The following IQCJ variants were observed in gnomAD, a reference collection of about 807,000 sequenced individuals.
IQCJ encodes the protein IQ motif containing J.
Under a neutral mutation model 11.0 loss-of-function variants are expected in IQCJ, and 9 were observed. The ratio of observed to expected loss-of-function variants is 0.82; its 90% CI spans 0.49 to 1.43. IQCJ has a LOEUF of 1.43. IQCJ is among the 40% of genes most tolerant of loss of function. IQCJ has a pLI of 0.00. For missense variants in IQCJ, 146 were observed against 133.2 expected (o/e 1.10, Z -0.47); for synonymous variants, 55 against 51.3 (o/e 1.07, Z -0.31).
At position 159,262,613 on chromosome 3, in the gene IQCJ, C is replaced by T. The variant is rs1728282412; in HGVS notation, c.221C>T (p.Pro74Leu). 1 of 1,613,874 alleles carries T rather than the reference C, an allele frequency of 6.2e-7. No homozygotes were observed. Among genetic ancestry groups the T allele is most frequent in the South Asian group, 1.1e-5 (1 of 91,076 alleles). ...CCCCTGGGGAAGAGGAGCCCGTCCC[C>T]ACCCTCTGTCTCCTCAGAGAAGCTG... ...QEPLGKRSPS[P>L]PSVSSEKLSS... is the part of the protein sequence containing the mutation. The change falls in exon 4 of 4, where the codon CCA becomes CTA. Residue 74 changes from proline to leucine, a missense_variant. By Grantham distance (98) the Pro-to-Leu change is moderately conservative. Transcript: ENST00000397832.
chr3:159,230,375 TA>T (rs1483329771), intron 1 of IQCJ, among the ~76,000 whole-genome samples: 1 of 152,248 alleles, frequency 6.6e-6, no homozygotes, highest in Non-Finnish European at 1.5e-5. Flanking sequence ...TCTTTTTTGA[TA>T]TTTTTAATGA....
rs998478797 is a variant in IQCJ, at chr3:159,204,179, G to C, written c.10-41664G>C. On this transcript the variant is annotated intron_variant, in intron 1 of 3. Transcript: ENST00000397832. Reference sequence around the variant, plus strand: ...AACTTAGTAATATAAAGCAATGACTGTTTAATTTTATCTCACAGTTTTGTG... The same window carrying C: ...AACTTAGTAATATAAAGCAATGACTCTTTAATTTTATCTCACAGTTTTGTG... Among the ~76,000 whole-genome samples the C allele has an allele frequency of 2.6e-5, 4 of 152,216 alleles. No homozygotes were observed. In the East Asian group the frequency reaches 7.7e-4, roughly 29 times the overall value.
At chr3:159,086,655 A>C (rs1297052041) in intron 1 of IQCJ, among the ~76,000 whole-genome samples, 1 of 151,506 alleles carries the variant, frequency 6.6e-6, no homozygotes, top group Non-Finnish European at 1.5e-5. Flanking sequence ...TTGGATTCCT[A>C]GGTATTTTAT....
chr3:159,074,682 A>G (rs1341877930), intron 1 of IQCJ, among the ~76,000 whole-genome samples: 2 of 152,152 alleles, frequency 1.3e-5, no homozygotes, highest in African/African-American at 2.4e-5. Context: ...GACAAAAGTT[A>G]TGTTTACAGA....
rs1287005797 is a variant in IQCJ at position 159,247,041 on chromosome 3, G to T, written c.74+1134G>T. Among the ~76,000 whole-genome samples, 3 of 152,180 alleles carry T rather than the reference G, an allele frequency of 2.0e-5. No individual in the cohort carries two copies. In the East Asian group the frequency reaches 5.8e-4, roughly 29 times the overall value. ...CACAGCCAACACTCCTGTAACAAAA[G>T]ACAGGTTAACAAAAGAAAAGCACAA... On this transcript the variant is annotated intron_variant, in intron 2 of 3. Transcript: ENST00000397832.
chr3:159,086,411 G>A (rs1048925306), intron 1 of IQCJ, among the ~76,000 whole-genome samples: 3 of 152,170 alleles, frequency 2.0e-5, no homozygotes, highest in African/African-American at 7.2e-5. Flanking sequence ...CTCTTTTTTG[G>A]TTCCATATGA....
intron 1 of IQCJ, among the ~76,000 whole-genome samples, chr3:159,202,510 C>T (rs1724409490): frequency 6.6e-6 from 1 of 152,124 alleles, no homozygotes; most frequent in African/African-American, 2.4e-5. Context: ...TCTAGGTGCC[C>T]AAGTGGGTTC....
intron 1 of IQCJ, among the ~76,000 whole-genome samples, chr3:159,123,840 A>C (rs952687770): frequency 1.3e-5 from 2 of 152,106 alleles, no homozygotes; most frequent in Admixed American, 1.3e-4. Context: ...CGACACATGG[A>C]ATTAGGAACT....
intron 1 of IQCJ, among the ~76,000 whole-genome samples, chr3:159,088,275 T>G (rs1716951587): frequency 6.6e-6 from 1 of 152,176 alleles, no homozygotes; most frequent in South Asian, 2.1e-4. Context: ...TGCACTGTGG[T>G]CTGAGAGACA....
At chr3:159,093,344 T>C (rs893973842) in intron 1 of IQCJ, among the ~76,000 whole-genome samples, 6 of 151,938 alleles carry the variant, frequency 3.9e-5, no homozygotes, top group African/African-American at 1.5e-4. Context: ...AAGAGAAAAG[T>C]CAGGAGCTTT....
intron 1 of IQCJ, among the ~76,000 whole-genome samples, chr3:159,207,961 G>A (rs765707112): frequency 9.9e-5 from 15 of 152,150 alleles, no homozygotes. Context: ...TAGTTTGGAG[G>A]CAATTAGGGC....
chr3:159,229,852 C>T (rs1404553174), intron 1 of IQCJ, among the ~76,000 whole-genome samples: 1 of 51,954 alleles, frequency 1.9e-5, no homozygotes, highest in African/African-American at 8.7e-5. Context: ...CCCTCCTCCT[C>T]TTTTTCTTTT....
chr3:159,224,356 A>G (rs917708882), intron 1 of IQCJ, among the ~76,000 whole-genome samples: 1 of 152,218 alleles, frequency 6.6e-6, no homozygotes, highest in African/African-American at 2.4e-5. Flanking sequence ...TAGTGATGTT[A>G]AAAAGAGAAC....
chr3:159,104,407 G>C (rs535661452), intron 1 of IQCJ, among the ~76,000 whole-genome samples: 1 of 152,320 alleles, frequency 6.6e-6, no homozygotes, highest in East Asian at 1.9e-4. Flanking sequence ...AGTGATGTGT[G>C]ATTCTTTATA....
At chr3:159,208,035 T>G (rs1451068368) in intron 1 of IQCJ, among the ~76,000 whole-genome samples, 1 of 152,156 alleles carries the variant, frequency 6.6e-6, no homozygotes, top group Non-Finnish European at 1.5e-5. Flanking sequence ...AGATAATGAA[T>G]GTGCATTTGC....
At chr3:159,141,492 C>A (rs778853091) in intron 1 of IQCJ, among the ~76,000 whole-genome samples, 1 of 152,116 alleles carries the variant, frequency 6.6e-6, no homozygotes, top group Non-Finnish European at 1.5e-5. Flanking sequence ...TTTTGACAAT[C>A]AAGATGAATT....
chr3:159,105,029 T>G (rs1265894146), intron 1 of IQCJ, among the ~76,000 whole-genome samples: 1 of 152,194 alleles, frequency 6.6e-6, no homozygotes, highest in Non-Finnish European at 1.5e-5. Context: ...TAAAAATGTT[T>G]TGTTGATTGA....
chr3:159,264,865 C>T (rs532125022), downstream of IQCJ, among the ~76,000 whole-genome samples: 39 of 150,294 alleles, frequency 2.6e-4, no homozygotes, highest in Non-Finnish European at 4.1e-4. Context: ...TGCAGTGAGC[C>T]GAGATTGCGC....
Position 159,151,784 on chromosome 3 carries a change from T to A in IQCJ, c.9+82343T>A, listed in dbSNP as rs781087332. ...CTGAGCAGCTGGGACTACAGGTGCC[T>A]GCCACCACGTTTGCCTAATTTTTTG... On this transcript the variant is annotated intron_variant, in intron 1 of 3. Transcript: ENST00000397832. Among the ~76,000 whole-genome samples the A allele has an allele frequency of 2.0e-5, 3 of 152,242 alleles. No individual in the cohort carries two copies. In the East Asian group the frequency reaches 5.8e-4, roughly 30 times the overall value.
Sources: allele counts gnomAD v4.1 joint callset (sites outside exome capture counted in the v4.1 genomes callset), GRCh38; gene constraint gnomAD v4.1.1; transcripts MANE v1.5; gene names NCBI Gene and HGNC (gene_info 2026-07-23, HGNC 2026-07-21).